The following LPIN1 variants were observed in gnomAD, a reference collection of about 807,000 sequenced individuals.
LPIN1 encodes lipin 1.
A neutral mutation model predicts 107.5 loss-of-function variants in LPIN1; 71 were observed. The ratio of observed to expected loss-of-function variants is 0.66; its 90% CI spans 0.55 to 0.80. The LOEUF is 0.80. LPIN1 is among the 30% of genes least tolerant of loss of function. The probability of loss-of-function intolerance (pLI) is 0.00; values close to 1 mark genes in which losing one functional copy is unlikely to be tolerated. For missense variants in LPIN1, 1,043 were observed against 1,160.6 expected (o/e 0.90, Z 1.47); for synonymous variants, 445 against 452.6 (o/e 0.98, Z 0.21).
At chr2:11,746,235 C>A (rs926924715), upstream of LPIN1, 1 of 152,338 alleles carries the variant, frequency 6.6e-6, no homozygotes, top group Admixed American at 6.5e-5. Context: ...CAGATCCCGC[C>A]ACTGGTGATA....
At chr2:11,812,001 A>G (rs1162542235) in intron 17 of LPIN1, among the ~76,000 whole-genome samples, 1 of 152,240 alleles carries the variant, frequency 6.6e-6, no homozygotes, top group Non-Finnish European at 1.5e-5. Flanking sequence ...AAGAAAAAAA[A>G]AGAAATTTTT....
intron 12 of LPIN1, 64 bp downstream of exon 12, chr2:11,788,520 G>T: frequency 3.1e-6 from 4 of 1,284,768 alleles, no homozygotes; most frequent in Non-Finnish European, 3.4e-6. Flanking sequence ...ATCTGGGGTG[G>T]TTGGAATTTC....
intron 1 of LPIN1, among the ~76,000 whole-genome samples, chr2:11,731,830 G>GCT (rs1558765701): frequency 1.3e-5 from 2 of 149,588 alleles, no homozygotes; most frequent in South Asian, 2.1e-4. Context: ...GTGATGATGA[G>GCT]TTTTTTTTTT....
chr2:11,705,723 G>T (rs1663091867), intron 1 of LPIN1, among the ~76,000 whole-genome samples: 1 of 152,240 alleles, frequency 6.6e-6, no homozygotes, highest in Non-Finnish European at 1.5e-5. Context: ...AAATGAGACT[G>T]CAAGTGTGGG....
chr2:11,707,552 C>T lies in LPIN1; in HGVS notation c.82-6204C>T, dbSNP rs138057246. Among the ~76,000 whole-genome samples the T allele has an allele frequency of 3.5e-3, 533 of 152,280 alleles. 2 individuals are homozygous for T. Among genetic ancestry groups the T allele is most frequent in the South Asian group, 8.1e-3 (39 of 4,822 alleles). The stretch of plus-strand genomic sequence containing the variant: ...AGGTTCCTGTGGCTGCTGTGAGGAG[C>T]AGAGCTGATGAGGAGCAGAAACAGA... On this transcript the variant is annotated intron_variant, in intron 1 of 21. Coordinates refer to the LPIN1 transcript ENST00000449576. The surrounding 1 kb of genome is among the most constrained non-coding windows in gnomAD (Gnocchi z 4.2).
At chr2:11,783,086 G>A (rs1673846338) in intron 8 of LPIN1, among the ~76,000 whole-genome samples, 2 of 152,206 alleles carry the variant, frequency 1.3e-5, no homozygotes, top group African/African-American at 2.4e-5. Flanking sequence ...TCCTGGCTGT[G>A]TGTTAGTATC....
rs57097271 is a variant in LPIN1 at position 11,707,236 on chromosome 2, G to A, written c.82-6520G>A. On this transcript the variant is annotated intron_variant, in intron 1 of 21. Coordinates refer to the LPIN1 transcript ENST00000449576. The surrounding 1 kb of genome is among the most constrained non-coding windows in gnomAD (Gnocchi z 4.2). ...GAAAAAGACAGCAGGGTAAGGAGAC[G>A]GGGGATGATCAGATGGACCAAGGAA... Among the ~76,000 whole-genome samples, 14,664 of 152,284 alleles carry A rather than the reference G, an allele frequency of 0.096. 769 individuals carry two copies. Among genetic ancestry groups the A allele is most frequent in the Middle Eastern group, 0.16 (46 of 294 alleles).
intron 1 of LPIN1, among the ~76,000 whole-genome samples, chr2:11,693,514 G>T (rs1430287388): frequency 6.6e-6 from 1 of 152,078 alleles, no homozygotes; most frequent in East Asian, 1.9e-4. Flanking sequence ...CACCCCCTTC[G>T]GTGGTTCGTA....
chr2:11,798,789 A>T (rs1677165131), intron 14 of LPIN1, among the ~76,000 whole-genome samples: 1 of 151,732 alleles, frequency 6.6e-6, no homozygotes, highest in Admixed American at 6.6e-5. Context: ...AAAAAAAAAA[A>T]GGTGTCAGAA....
chr2:11,716,797 C>G (rs778717379), intron 2 of LPIN1, among the ~76,000 whole-genome samples: 6 of 152,192 alleles, frequency 3.9e-5, no homozygotes, highest in Non-Finnish European at 7.4e-5. Flanking sequence ...AACCCACCTC[C>G]CCCGGCTCTA....
intron 1 of LPIN1, among the ~76,000 whole-genome samples, chr2:11,739,831 G>T (rs1463610600): frequency 2.6e-5 from 4 of 152,176 alleles, no homozygotes; most frequent in Admixed American, 6.5e-5. Context: ...TTAGATGAGG[G>T]TGTTAAAACG....
In LPIN1 at chr2:11,706,601, G is replaced by A. The variant is rs59157966; in HGVS notation, c.82-7155G>A. On this transcript the variant is annotated intron_variant, in intron 1 of 21. Coordinates refer to the LPIN1 transcript ENST00000449576. ...AGCTCATTTTATAACTGAAGAAATGGAACTTCTAAGACATAAGGTGCTCAA... is the reference window on the plus strand; with the variant it reads ...AGCTCATTTTATAACTGAAGAAATGAAACTTCTAAGACATAAGGTGCTCAA... 7.2e-3 allele frequency among the ~76,000 whole-genome samples: 1,090 copies of A among 152,256 alleles called. 13 individuals are homozygous for A. The highest frequency in any genetic ancestry group is 0.025 in the African/African-American group (1,037 of 41,540).
At chr2:11,706,238 AAAG>A (rs1403129097) in intron 1 of LPIN1, among the ~76,000 whole-genome samples, 4 of 152,368 alleles carry the variant, frequency 2.6e-5, no homozygotes, top group African/African-American at 7.2e-5. Context: ...TGTGTTACAA[AAAG>A]AAGACTTCGG....
chr2:11,789,234 CT>C (rs1361265804), intron 12 of LPIN1, among the ~76,000 whole-genome samples: 4 of 152,310 alleles, frequency 2.6e-5, no homozygotes, highest in African/African-American at 7.2e-5. Flanking sequence ...TCTAATTGGA[CT>C]TTGTTGAGTC....
At chr2:11,799,348 C>G (rs971032772) in intron 14 of LPIN1, among the ~76,000 whole-genome samples, 1 of 151,936 alleles carries the variant, frequency 6.6e-6, no homozygotes, top group Non-Finnish European at 1.5e-5. Flanking sequence ...TCACCAAGAG[C>G]TTTGCTTCAC....
At chr2:11,795,341 A>G (rs1676474764) in intron 13 of LPIN1, 67 bp from the exon 14 acceptor site, 1 of 1,350,308 alleles carries the variant, frequency 7.4e-7, no homozygotes, top group African/African-American at 1.4e-5. Flanking sequence ...CCCATGGGAA[A>G]ACACCGGCTG....
intron 1 of LPIN1, among the ~76,000 whole-genome samples, chr2:11,733,084 T>A (rs1370740797): frequency 2.6e-5 from 4 of 152,066 alleles, no homozygotes; most frequent in Non-Finnish European, 5.9e-5. Context: ...CCATTCCCAC[T>A]CCCCAGAAAT....
At chr2:11,692,646 C>T (rs1041431358) in intron 1 of LPIN1, among the ~76,000 whole-genome samples, 15 of 145,776 alleles carry the variant, frequency 1.0e-4, no homozygotes, top group African/African-American at 4.3e-4. Context: ...TCTTTCCTCC[C>T]CCACCTGCTG....
chr2:11,785,033 C>T lies in LPIN1; in HGVS notation c.1506C>T (p.Ile502=). The change falls in exon 10 of 21, where the codon ATC becomes ATT. Residue 502 remains isoleucine, a synonymous_variant. Transcript: ENST00000674199. Reference sequence around the variant, plus strand: ...TGAGGGACCTCCCTTCCATCGCCATCTCCCTCTGCGGGGGCCTCAGCGACC... The same window carrying T: ...TGAGGGACCTCCCTTCCATCGCCATTTCCCTCTGCGGGGGCCTCAGCGACC... The part of the protein sequence containing the change: ...DGLRDLPSIA[I]SLCGGLSDHR... 1 of 1,606,048 alleles carries T rather than the reference C, an allele frequency of 6.2e-7. No individual in the cohort carries two copies. The highest frequency in any genetic ancestry group is 8.5e-7 in the Non-Finnish European group (1 of 1,175,786).
Sources: gnomAD v4.1 joint callset for allele counts (sites outside exome capture counted in the v4.1 genomes callset) on GRCh38, gnomAD v4.1.1 for gene constraint, Gnocchi (gnomAD v3.1) non-coding constraint, MANE v1.5 for transcripts, NCBI Gene and HGNC (gene_info 2026-07-23, HGNC 2026-07-21) for gene names.